AKR1D1: variants seen among roughly 807,000 people sequenced by gnomAD.
AKR1D1 encodes the protein delta(4)-3-ketosteroid 5-beta-reductase.
AKR1D1 carries 32 observed loss-of-function variants against 42.6 expected under a neutral mutation model. The ratio of observed to expected loss-of-function variants is 0.75; its 90% CI spans 0.57 to 1.01. The LOEUF (loss-of-function observed/expected upper bound fraction) is 1.01, where lower values mean the gene tolerates loss of function less well. Among genes scored for constraint, AKR1D1 ranks in the 50% least tolerant of loss-of-function variants. The probability of loss-of-function intolerance (pLI) is 0.00; values close to 1 mark genes in which losing one functional copy is unlikely to be tolerated. For missense variants in AKR1D1, 364 were observed against 402.2 expected (o/e 0.91, Z 0.81); for synonymous variants, 123 against 135.5 (o/e 0.91, Z 0.64).
At chr7:138,100,518 AAT>A (rs1248635755) in intron 4 of AKR1D1, among the ~76,000 whole-genome samples, 3 of 152,124 alleles carry the variant, frequency 2.0e-5, no homozygotes, top group Non-Finnish European at 2.9e-5. Context: ...TCGCTATTTT[AAT>A]ATCAACAAAT....
At chr7:138,115,082 C>T (rs2117478249) in intron 8 of AKR1D1, among the ~76,000 whole-genome samples, 1 of 152,282 alleles carries the variant, frequency 6.6e-6, no homozygotes, top group East Asian at 1.9e-4. Context: ...CTAGAACTAA[C>T]AGTTATAGGT....
intron 1 of AKR1D1, among the ~76,000 whole-genome samples, chr7:138,082,066 C>T (rs879612923): frequency 1.3e-5 from 2 of 152,204 alleles, no homozygotes; most frequent in African/African-American, 2.4e-5. Flanking sequence ...AAGGCAGCAG[C>T]TTCTGCGTCA....
At chr7:138,096,088 C>T (rs1158177952) in intron 3 of AKR1D1, among the ~76,000 whole-genome samples, 1 of 151,712 alleles carries the variant, frequency 6.6e-6, no homozygotes. Flanking sequence ...ACCTGTAGTC[C>T]CAGCTGCTCA....
rs1794663832 is a variant in AKR1D1, at chr7:138,117,776, T to G, written c.*1114T>G. Reference sequence around the variant, plus strand: ...GGCTCATGCCTATAATCCCAGCACTTTGGGAGGCCAAGGTGGGCAGATCAG... The same window carrying G: ...GGCTCATGCCTATAATCCCAGCACTGTGGGAGGCCAAGGTGGGCAGATCAG... On this transcript the variant is annotated 3_prime_UTR_variant, in exon 9 of 9. Transcript: ENST00000242375. 6.6e-6 allele frequency: 1 copy of G among 152,232 alleles called. No individual in the cohort carries two copies. The highest frequency in any genetic ancestry group is 1.5e-5 in the Non-Finnish European group (1 of 68,048). The allele number at this position is 152,232 out of a possible 1,614,324, so 9.4% of individuals were successfully genotyped here.
At position 138,117,282 on chromosome 7, in the gene AKR1D1, C is replaced by G. The variant is rs1794653121; in HGVS notation, c.*620C>G. On this transcript the variant is annotated 3_prime_UTR_variant, in exon 9 of 9. Coordinates refer to ENST00000242375, the MANE Select transcript of AKR1D1 (RefSeq NM_005989.4). ...TATGTATGTTTAGTTTTTATCCAAC[C>G]TGAGGAATGAAAACTTAACTGGATC... 1 of 152,854 alleles carries G rather than the reference C, an allele frequency of 6.5e-6. No individual in the cohort carries two copies. The highest frequency in any genetic ancestry group is 2.4e-5 in the African/African-American group (1 of 41,430). 9.5% of individuals were successfully genotyped at this position (152,854 alleles called of 1,614,324 possible).
At chr7:138,098,444 TACTAAAA>T in intron 4 of AKR1D1, 1 of 154,208 alleles carries the variant, frequency 6.5e-6, no homozygotes, top group East Asian at 1.9e-4. Flanking sequence ...ACTCTGTCTC[TACTAAAA>T]ATAAAAAAAT....
At chr7:138,082,505 C>G (rs1803079329) in intron 1 of AKR1D1, among the ~76,000 whole-genome samples, 1 of 152,044 alleles carries the variant, frequency 6.6e-6, no homozygotes, top group African/African-American at 2.4e-5. Context: ...GTAGCCAGGA[C>G]TACAGACAGG....
intron 5 of AKR1D1, 34 bp downstream of exon 5, chr7:138,105,463 A>ATT: frequency 6.2e-7 from 1 of 1,612,824 alleles, no homozygotes; most frequent in East Asian, 2.2e-5. Context: ...GGGTGTGGGG[A>ATT]GTGGGGGCAG....
chr7:138,100,118 A>AAC (rs1794265847), intron 4 of AKR1D1, among the ~76,000 whole-genome samples: 1 of 132,022 alleles, frequency 7.6e-6, no homozygotes, highest in East Asian at 2.2e-4. Context: ...AAAAAAAAAA[A>AAC]CATAAAGAGA....
chr7:138,112,613 G>A (rs1794556368), intron 7 of AKR1D1, among the ~76,000 whole-genome samples: 1 of 152,088 alleles, frequency 6.6e-6, no homozygotes, highest in Admixed American at 6.5e-5. Context: ...AGAATGGGGT[G>A]ATGAGTGACA....
intron 7 of AKR1D1, among the ~76,000 whole-genome samples, chr7:138,109,599 C>G (rs1690681527): frequency 6.6e-6 from 1 of 152,144 alleles, no homozygotes; most frequent in African/African-American, 2.4e-5. Context: ...AGTTAACAGA[C>G]AGCTCCACTA....
chr7:138,090,416 C>T (rs1794043765), intron 2 of AKR1D1, among the ~76,000 whole-genome samples: 1 of 152,038 alleles, frequency 6.6e-6, no homozygotes, highest in South Asian at 2.1e-4. Context: ...GAGGAAGGAT[C>T]ACTTGAGGTC....
Position 138,100,829 on chromosome 7 carries a change from C to G in AKR1D1, c.456+2886C>G, listed in dbSNP as rs181161431. The stretch of plus-strand genomic sequence containing the variant: ...ACGCCATTCTCTTGCCTCAGCCTCC[C>G]GAGTAGCTGGGACTATAGGTGCCCG... On this transcript the variant is annotated intron_variant, in intron 4 of 8. Transcript: ENST00000242375. 8.7e-3 allele frequency among the ~76,000 whole-genome samples: 1,309 copies of G among 150,324 alleles called. 28 individuals carry two copies. The highest frequency in any genetic ancestry group is 6.6e-3 in the Non-Finnish European group (443 of 67,508).
chr7:138,098,740 C>T (rs1009822768), intron 4 of AKR1D1, among the ~76,000 whole-genome samples: 14 of 152,034 alleles, frequency 9.2e-5, no homozygotes, highest in African/African-American at 2.4e-5. Flanking sequence ...CTTATGGATT[C>T]GTGGTGGGGA....
intron 8 of AKR1D1, among the ~76,000 whole-genome samples, chr7:138,114,660 C>CAAAAAA: frequency 1.1e-5 from 1 of 87,368 alleles, no homozygotes; most frequent in Non-Finnish European, 2.2e-5. Context: ...AACTCCATCT[C>CAAAAAA]AAAAAAAAAA....
chr7:138,101,920 T>G (rs949201402), intron 4 of AKR1D1, among the ~76,000 whole-genome samples: 5 of 152,174 alleles, frequency 3.3e-5, no homozygotes, highest in Admixed American at 1.3e-4. Context: ...CTTCTAAAAT[T>G]TATATGGGGC....
intron 8 of AKR1D1, among the ~76,000 whole-genome samples, chr7:138,115,636 C>T (rs1794619500): frequency 1.3e-5 from 2 of 152,130 alleles, no homozygotes; most frequent in Admixed American, 1.3e-4. Context: ...CCATTAATCA[C>T]AAATACTGTA....
intron 1 of AKR1D1, among the ~76,000 whole-genome samples, chr7:138,084,112 A>T (rs1803114890): frequency 6.6e-6 from 1 of 152,208 alleles, no homozygotes; most frequent in East Asian, 1.9e-4. Context: ...ATAGCCTGTT[A>T]GGGAGTTTTT....
At chr7:138,089,184 C>CA (rs113138223) in intron 2 of AKR1D1, among the ~76,000 whole-genome samples, 6 of 150,720 alleles carry the variant, frequency 4.0e-5, no homozygotes, top group African/African-American at 1.2e-4. Flanking sequence ...CTTGTCTCTA[C>CA]AAAAAAAAAT....
Sources: gnomAD v4.1 joint callset for allele counts (sites outside exome capture counted in the v4.1 genomes callset) on GRCh38, gnomAD v4.1.1 for gene constraint, MANE v1.5 for transcripts, NCBI Gene and HGNC (gene_info 2026-07-23, HGNC 2026-07-21) for gene names.